STOX2: variants seen among roughly 807,000 people sequenced by gnomAD.
STOX2 encodes the protein storkhead box 2, also known as storkhead-box protein 2.
Under a neutral mutation model 60.9 loss-of-function variants are expected in STOX2, and 28 were observed. The ratio of observed to expected loss-of-function variants is 0.46; its 90% CI spans 0.34 to 0.63. The LOEUF is 0.63. Among genes scored for constraint, STOX2 ranks in the 30% least tolerant of loss-of-function variants. STOX2 has a pLI of 0.01. For missense variants in STOX2, 1,024 were observed against 1,187.7 expected (o/e 0.86, Z 2.03); for synonymous variants, 472 against 463.9 (o/e 1.02, Z -0.22).
intron 3 of STOX2, among the ~76,000 whole-genome samples, chr4:184,012,034 G>A (rs374141176): frequency 1.1e-3 from 161 of 152,306 alleles, no homozygotes; most frequent in African/African-American, 3.7e-3. Flanking sequence ...TGCTCTGTTA[G>A]ATCAAAGCAT....
At chr4:183,916,956 C>G (rs1176521262) in intron 1 of STOX2, among the ~76,000 whole-genome samples, 1 of 152,200 alleles carries the variant, frequency 6.6e-6, no homozygotes, top group Non-Finnish European at 1.5e-5. Context: ...TCTCTGTGCT[C>G]CGGCAGCACT....
Position 183,836,131 on chromosome 4 carries a change from T to G in STOX2, c.364+38076T>G, listed in dbSNP as rs1739702477. Among the ~76,000 whole-genome samples, 1 of 152,240 alleles carries G rather than the reference T, an allele frequency of 6.6e-6. No homozygotes were observed. The highest frequency in any genetic ancestry group is 2.4e-5 in the African/African-American group (1 of 41,462). On this transcript the variant is annotated intron_variant, in intron 1 of 2. Transcript: ENST00000513034. This position sits in a 1 kb window ranked among gnomAD's most constrained non-coding sequence, Gnocchi z 4.1. ...CTGGTGACTAATGATGTTGAACGTC[T>G]TTTCATGTGCTTTTTGGCTGTTTAT...
chr4:183,985,596 G>A (rs1732808341), intron 1 of STOX2, among the ~76,000 whole-genome samples: 1 of 152,190 alleles, frequency 6.6e-6, no homozygotes, highest in African/African-American at 2.4e-5. Context: ...AAACATGCAT[G>A]CTTGGATATT....
At chr4:183,991,432 A>AT (rs11388760) in intron 1 of STOX2, among the ~76,000 whole-genome samples, 44,878 of 146,766 alleles carry the variant, frequency 0.31, 6,724 homozygotes, top group Middle Eastern at 0.39. Flanking sequence ...TTGAGGAAGA[A>AT]TTTTTTTTTT....
chr4:183,843,110 C>T (rs2033625), intron 1 of STOX2, among the ~76,000 whole-genome samples: 146,570 of 148,688 alleles, frequency 0.99, 72,279 homozygotes, highest in Middle Eastern at 1. Flanking sequence ...ATCGCGCCAC[C>T]GTACTCCACC....
intron 1 of STOX2, among the ~76,000 whole-genome samples, chr4:183,851,300 T>G (rs1740127384): frequency 1.5e-5 from 1 of 64,832 alleles, no homozygotes. Flanking sequence ...AGAGAAAGGA[T>G]GAGGGAAAGG....
chr4:183,951,849 A>G (rs889089204), intron 1 of STOX2, among the ~76,000 whole-genome samples: 2 of 152,122 alleles, frequency 1.3e-5, no homozygotes, highest in Non-Finnish European at 2.9e-5. Context: ...AGGCTGAGGC[A>G]GGAGAATCTC....
At chr4:183,801,407 G>A (rs1056356462) in intron 1 of STOX2, among the ~76,000 whole-genome samples, 2 of 152,232 alleles carry the variant, frequency 1.3e-5, no homozygotes, top group African/African-American at 4.8e-5. Flanking sequence ...TTTATTGAGT[G>A]CTTTCTAGCG....
chr4:183,870,056 A>G (rs930924514), intron 1 of STOX2, among the ~76,000 whole-genome samples: 1 of 152,220 alleles, frequency 6.6e-6, no homozygotes, highest in African/African-American at 2.4e-5. Context: ...GTGGGCAAAA[A>G]AATCGTTGTA....
chr4:183,927,906 G>A (rs928862794), intron 1 of STOX2, among the ~76,000 whole-genome samples: 5 of 152,182 alleles, frequency 3.3e-5, no homozygotes, highest in Non-Finnish European at 7.3e-5. Context: ...AGGGCACCCA[G>A]GCATCCCACC....
chr4:183,885,265 C>T (rs917188426), intron 1 of STOX2, among the ~76,000 whole-genome samples: 30 of 151,840 alleles, frequency 2.0e-4, no homozygotes, highest in Admixed American at 1.6e-3. Flanking sequence ...TTTGTTTTAC[C>T]CTTTCTTTGC....
At chr4:183,989,169 GTTTTTTTTTT>G (rs11421201) in intron 1 of STOX2, among the ~76,000 whole-genome samples, 136 of 80,034 alleles carry the variant, frequency 1.7e-3, no homozygotes, top group African/African-American at 7.8e-3. Context: ...ATTTTTTCTG[GTTTTTTTTTT>G]TTTTTTTTTT....
intron 1 of STOX2, among the ~76,000 whole-genome samples, chr4:183,870,414 A>G (rs1314630578): frequency 6.6e-6 from 1 of 152,236 alleles, no homozygotes. Context: ...TATTTTAACT[A>G]CCAGTAGTAT....
At chr4:183,840,860 ACTCATTGTATT>A (rs1246980138) in intron 1 of STOX2, among the ~76,000 whole-genome samples, 1 of 151,982 alleles carries the variant, frequency 6.6e-6, no homozygotes, top group Non-Finnish European at 1.5e-5. Flanking sequence ...AGAGAGTTTC[ACTCATTGTATT>A]CTGTTATTTT....
intron 1 of STOX2, among the ~76,000 whole-genome samples, chr4:183,929,084 C>A (rs1482243932): frequency 1.3e-5 from 2 of 152,174 alleles, no homozygotes; most frequent in Admixed American, 6.5e-5. Flanking sequence ...TACAAATAAT[C>A]TTTAAAGATA....
intron 1 of STOX2, among the ~76,000 whole-genome samples, chr4:183,884,584 G>C (rs762230946): frequency 3.9e-5 from 6 of 152,126 alleles, no homozygotes; most frequent in Non-Finnish European, 8.8e-5. Flanking sequence ...CCTTTTGTGG[G>C]ATCCTTTTGT....
At position 183,877,042 on chromosome 4, in the gene STOX2, G is replaced by A. The variant is rs191644412; in HGVS notation, c.364+78987G>A. On this transcript the variant is annotated intron_variant, in intron 1 of 2. Coordinates refer to the STOX2 transcript ENST00000513034. ...GAAAAAAGGCCCATACTATGAGACT[G>A]TGTTTTTTGGGTTTTTTTAATGCTA... Among the ~76,000 whole-genome samples, 8 of 152,302 alleles carry A rather than the reference G, an allele frequency of 5.3e-5. No individual in the cohort carries two copies. The East Asian group carries it at 1.5e-3, about 29-fold the overall frequency.
At position 184,009,983 on chromosome 4, in the gene STOX2, A is replaced by G; in HGVS notation, c.1145A>G (p.Asp382Gly). The change falls in exon 3 of 4, where the codon GAC (aspartate) becomes GGC (glycine). Residue 382 changes from aspartate to glycine, a missense_variant. By Grantham distance (94) the Asp-to-Gly change is moderately conservative. This residue lies in a region of STOX2 where 922 missense variants were observed against 1,058.3 expected (regional missense o/e 0.87). Coordinates refer to ENST00000308497, the MANE Select transcript of STOX2 (RefSeq NM_020225.3). This position sits in a 1 kb window ranked among gnomAD's most constrained non-coding sequence, Gnocchi z 4.0. ...AGCAAGACACGGGTGTCTAAAGGAGACCCTTCCGACGGTTCACATCTGGAT... is the reference window on the plus strand; with the variant it reads ...AGCAAGACACGGGTGTCTAAAGGAGGCCCTTCCGACGGTTCACATCTGGAT... Reference protein sequence around the residue: ...SHSKTRVSKGDPSDGSHLDIP... With the variant: ...SHSKTRVSKGGPSDGSHLDIP... The G allele has an allele frequency of 6.2e-7, 1 of 1,613,550 alleles. No homozygotes were observed. Among genetic ancestry groups the G allele is most frequent in the Non-Finnish European group, 8.5e-7 (1 of 1,179,796 alleles).
At chr4:183,900,971 G>A (rs529245637), upstream of STOX2, among the ~76,000 whole-genome samples, 3 of 152,074 alleles carry the variant, frequency 2.0e-5, no homozygotes, top group African/African-American at 7.2e-5. Context: ...ATAACATTAT[G>A]CATCCATTAC....
Sources: allele counts gnomAD v4.1 joint callset (sites outside exome capture counted in the v4.1 genomes callset), GRCh38; gene constraint gnomAD v4.1.1; regional missense constraint gnomAD v4.1.1; non-coding constraint Gnocchi (gnomAD v3.1); transcripts MANE v1.5; gene names NCBI Gene and HGNC (gene_info 2026-07-23, HGNC 2026-07-21).